Variants in LRRIQ3 observed in about 807,000 individuals in gnomAD.
LRRIQ3 encodes the protein leucine-rich repeat and IQ domain-containing protein 3.
LRRIQ3 carries 75 observed loss-of-function variants against 59.3 expected under a neutral mutation model. The observed-to-expected ratio is 1.26, with a 90% confidence interval of 1.05 to 1.53. The LOEUF (loss-of-function observed/expected upper bound fraction) is 1.53, where lower values mean the gene tolerates loss of function less well. Ranked by LOEUF, LRRIQ3 falls within the 40% of genes most tolerant of loss-of-function variation. LRRIQ3 has a pLI of 0.00. For missense variants in LRRIQ3, 831 were observed against 710.0 expected (o/e 1.17, Z -1.94); for synonymous variants, 250 against 231.3 (o/e 1.08, Z -0.73).
chr1:74,036,426 T>A (rs997787088), intron 7 of LRRIQ3, among the ~76,000 whole-genome samples: 2 of 152,312 alleles, frequency 1.3e-5, no homozygotes, highest in Non-Finnish European at 1.5e-5. Flanking sequence ...AATTGTCTAT[T>A]CTTCATCAAA....
At chr1:74,050,165 G>A (rs190470040) in intron 6 of LRRIQ3, among the ~76,000 whole-genome samples, 4 of 151,834 alleles carry the variant, frequency 2.6e-5, no homozygotes, top group Middle Eastern at 6.8e-3. Flanking sequence ...CTCATGATCT[G>A]CCCACCTCGG....
At chr1:74,145,842 T>C (rs1284728069) in intron 4 of LRRIQ3, among the ~76,000 whole-genome samples, 1 of 152,148 alleles carries the variant, frequency 6.6e-6, no homozygotes, top group Admixed American at 6.6e-5. Flanking sequence ...ACAGAACTGC[T>C]GTGAGGATCA....
chr1:74,103,408 A>G (rs759567048), intron 5 of LRRIQ3, among the ~76,000 whole-genome samples: 4 of 152,018 alleles, frequency 2.6e-5, no homozygotes, highest in South Asian at 2.1e-4. Context: ...GAGTTATACA[A>G]TAACAAAGGA....
At chr1:74,037,998 C>T (rs991008818) in intron 7 of LRRIQ3, among the ~76,000 whole-genome samples, 2 of 152,198 alleles carry the variant, frequency 1.3e-5, no homozygotes, top group Admixed American at 6.5e-5. Flanking sequence ...TCTAAGCTGC[C>T]TGAGGTCCTT....
chr1:74,095,430 G>A (rs541340059), intron 5 of LRRIQ3, among the ~76,000 whole-genome samples: 1 of 151,972 alleles, frequency 6.6e-6, no homozygotes, highest in Admixed American at 6.6e-5. Flanking sequence ...TTTTACTCGT[G>A]TCTCTACATA....
intron 4 of LRRIQ3, among the ~76,000 whole-genome samples, chr1:74,117,938 C>CT (rs1278131761): frequency 6.6e-6 from 1 of 151,698 alleles, no homozygotes; most frequent in Admixed American, 6.6e-5. Flanking sequence ...TTGTCCCTAT[C>CT]TTTTTATAAT....
intron 6 of LRRIQ3, among the ~76,000 whole-genome samples, chr1:74,058,671 TCAA>T (rs1343779854): frequency 6.6e-6 from 1 of 152,014 alleles, no homozygotes; most frequent in Non-Finnish European, 1.5e-5. Flanking sequence ...GTGACTATCA[TCAA>T]CAACAATTTG....
intron 6 of LRRIQ3, among the ~76,000 whole-genome samples, chr1:74,046,286 G>A (rs1168270807): frequency 6.6e-6 from 1 of 151,932 alleles, no homozygotes; most frequent in Non-Finnish European, 1.5e-5. Flanking sequence ...CAGAACAGAG[G>A]CCTCAGAAAT....
intron 4 of LRRIQ3, among the ~76,000 whole-genome samples, chr1:74,149,127 C>A (rs1189708818): frequency 6.6e-6 from 1 of 152,122 alleles, no homozygotes; most frequent in African/African-American, 2.4e-5. Context: ...GTATTCATGA[C>A]ACTGACCTGA....
At chr1:74,153,137 C>A (rs1212821682) in intron 4 of LRRIQ3, among the ~76,000 whole-genome samples, 4 of 152,042 alleles carry the variant, frequency 2.6e-5, no homozygotes, top group Non-Finnish European at 5.9e-5. Context: ...AACCAATAAT[C>A]CTCCCCATGA....
intron 3 of LRRIQ3, among the ~76,000 whole-genome samples, chr1:74,158,951 C>G (rs1255388543): frequency 6.6e-6 from 1 of 152,122 alleles, no homozygotes; most frequent in Non-Finnish European, 1.5e-5. Context: ...GGCCCACCAT[C>G]AGCCCCAGCC....
At position 74,178,336 on chromosome 1, in the gene LRRIQ3, GT is replaced by G. The variant is rs199758674; in HGVS notation, c.573+4201del. ...TAATCTTACTTTTGACACTTTTATG[GT>G]TTTTTTCATATAGACTGTTTAACTG... On this transcript the variant is annotated intron_variant, in intron 3 of 7. Transcript: ENST00000354431. Among the ~76,000 whole-genome samples, 206 of 150,726 alleles carry G rather than the reference GT, an allele frequency of 1.4e-3. 4 individuals are homozygous for G. The East Asian group carries it at 0.038, about 28-fold the overall frequency.
At chr1:74,073,125 T>C (rs2100475178) in intron 6 of LRRIQ3, among the ~76,000 whole-genome samples, 1 of 152,268 alleles carries the variant, frequency 6.6e-6, no homozygotes, top group South Asian at 2.1e-4. Flanking sequence ...TCCAACATGG[T>C]TCCTATCTCT....
chr1:74,110,770 A>G (rs1646683800), intron 4 of LRRIQ3, among the ~76,000 whole-genome samples: 1 of 152,080 alleles, frequency 6.6e-6, no homozygotes, highest in Non-Finnish European at 1.5e-5. Context: ...TGACATACAA[A>G]TTAGTTAAGG....
intron 4 of LRRIQ3, among the ~76,000 whole-genome samples, chr1:74,129,665 G>C (rs1008771971): frequency 1.5e-4 from 23 of 151,958 alleles, no homozygotes; most frequent in African/African-American, 5.6e-4. Context: ...CCTAGCTATA[G>C]CCACCACAGC....
At chr1:74,079,176 C>A (rs1646244078) in intron 5 of LRRIQ3, among the ~76,000 whole-genome samples, 1 of 151,548 alleles carries the variant, frequency 6.6e-6, no homozygotes, top group Non-Finnish European at 1.5e-5. Flanking sequence ...AGCTTTAAGT[C>A]CTCCTACTGT....
intron 7 of LRRIQ3, among the ~76,000 whole-genome samples, chr1:74,037,652 C>A (rs1653911790): frequency 6.6e-6 from 1 of 151,914 alleles, no homozygotes; most frequent in Non-Finnish European, 1.5e-5. Flanking sequence ...AAACAAAAAA[C>A]AAACAAACAA....
In LRRIQ3 at chr1:74,104,052, T is replaced by C. The variant is rs185571072; in HGVS notation, c.867+5342A>G. Among the ~76,000 whole-genome samples, 13 of 152,056 alleles carry C rather than the reference T, an allele frequency of 8.5e-5. 1 individual carries two copies. Among genetic ancestry groups the C allele is most frequent in the African/African-American group, 2.9e-4 (12 of 41,520 alleles). On this transcript the variant is annotated intron_variant, in intron 5 of 7. Coordinates refer to ENST00000354431, the MANE Select transcript of LRRIQ3 (RefSeq NM_001105659.2). Reference sequence around the variant, plus strand: ...GTGACAAATTATCTCATCTTTCTAATAGTAAAAGGAAAATTACATCTCACC... The same window carrying C: ...GTGACAAATTATCTCATCTTTCTAACAGTAAAAGGAAAATTACATCTCACC...
chr1:74,134,329 C>T (rs1273578906), intron 4 of LRRIQ3, among the ~76,000 whole-genome samples: 1 of 152,006 alleles, frequency 6.6e-6, no homozygotes, highest in Non-Finnish European at 1.5e-5. Context: ...GGTGCTGCTC[C>T]TGCTACCAAT....
Sources: allele counts gnomAD v4.1 joint callset (sites outside exome capture counted in the v4.1 genomes callset), GRCh38; gene constraint gnomAD v4.1.1; transcripts MANE v1.5; gene names NCBI Gene and HGNC (gene_info 2026-07-23, HGNC 2026-07-21).